The following GRM7 variants were observed in gnomAD, a reference collection of about 807,000 sequenced individuals.
GRM7 encodes the protein metabotropic glutamate receptor 7.
Under a neutral mutation model 84.5 loss-of-function variants are expected in GRM7, and 35 were observed. The ratio of observed to expected loss-of-function variants is 0.41; its 90% CI spans 0.32 to 0.55. The LOEUF (loss-of-function observed/expected upper bound fraction) is 0.55, where lower values mean the gene tolerates loss of function less well. Ranked by LOEUF, GRM7 falls within the 20% of genes least tolerant of loss-of-function variation. The pLI is 0.19. For missense variants in GRM7, 1,003 were observed against 1,194.6 expected, an observed-to-expected ratio of 0.84 and a Z score of 2.36; for synonymous variants, 487 against 455.1, an observed-to-expected ratio of 1.07 and a Z score of -0.89.
chr3:7,677,567 A>T (rs1350567096), intron 8 of GRM7, among the ~76,000 whole-genome samples: 1 of 152,208 alleles, frequency 6.6e-6, no homozygotes, highest in Non-Finnish European at 1.5e-5. Flanking sequence ...AAAAAATATG[A>T]TTAGTGAAGT....
chr3:7,608,877 G>T (rs1696717920), intron 8 of GRM7, among the ~76,000 whole-genome samples: 1 of 152,114 alleles, frequency 6.6e-6, no homozygotes, highest in Admixed American at 6.5e-5. Context: ...AATCTATCTT[G>T]AGTTGATTTT....
chr3:7,317,298 T>TAAGG (rs34751490), intron 4 of GRM7, among the ~76,000 whole-genome samples: 38,024 of 151,790 alleles, frequency 0.25, 7,185 homozygotes, highest in African/African-American at 0.53. Flanking sequence ...CCACAGACCT[T>TAAGG]AAGGAGAACT....
At chr3:7,037,770 C>T (rs918514330) in intron 1 of GRM7, among the ~76,000 whole-genome samples, 1 of 151,952 alleles carries the variant, frequency 6.6e-6, no homozygotes, top group Admixed American at 6.6e-5. Context: ...GTTACTGCAG[C>T]AACAGTCACA....
intron 2 of GRM7, among the ~76,000 whole-genome samples, chr3:7,210,927 A>G (rs1345775975): frequency 1.3e-5 from 2 of 152,174 alleles, no homozygotes. Context: ...CAATATTAGA[A>G]ATGAAAATCA....
In GRM7 at chr3:7,415,012, A is replaced by C; in HGVS notation, c.1034-11A>C. 1 of 1,605,836 alleles carries C rather than the reference A, an allele frequency of 6.2e-7. No homozygotes were observed. Among genetic ancestry groups the C allele is most frequent in the South Asian group, 1.1e-5 (1 of 90,068 alleles). ...CCGCAAGCAATGACCTTTTCATTTAACTCTGTTTAGGGTTTGATGCCTACT... is the reference window on the plus strand; with the variant it reads ...CCGCAAGCAATGACCTTTTCATTTACCTCTGTTTAGGGTTTGATGCCTACT... On this transcript the variant is annotated splice_polypyrimidine_tract_variant and intron_variant, in intron 4 of 9. Transcript: ENST00000357716.
At chr3:7,240,462 G>A (rs1193379765) in intron 2 of GRM7, among the ~76,000 whole-genome samples, 1 of 151,422 alleles carries the variant, frequency 6.6e-6, no homozygotes. Context: ...TTTTATTTTT[G>A]CAATATGTTT....
intron 7 of GRM7, among the ~76,000 whole-genome samples, chr3:7,571,586 G>T (rs1694661359): frequency 6.6e-6 from 1 of 152,106 alleles, no homozygotes; most frequent in Non-Finnish European, 1.5e-5. Context: ...TCAGCATTTT[G>T]ATCAAAGCCA....
At chr3:7,449,822 A>T (rs1697692768) in intron 5 of GRM7, among the ~76,000 whole-genome samples, 1 of 152,180 alleles carries the variant, frequency 6.6e-6, no homozygotes, top group Admixed American at 6.6e-5. Flanking sequence ...CAAGTGAGTC[A>T]AATATTTAAC....
At chr3:7,683,666 T>C (rs1220830818) in intron 9 of GRM7, among the ~76,000 whole-genome samples, 1 of 152,278 alleles carries the variant, frequency 6.6e-6, no homozygotes, top group Admixed American at 6.5e-5. Flanking sequence ...TGCTGTCTAA[T>C]AGAGTAAGCA....
intron 4 of GRM7, among the ~76,000 whole-genome samples, chr3:7,315,083 G>T (rs1700536699): frequency 6.6e-6 from 1 of 151,680 alleles, no homozygotes; most frequent in Admixed American, 6.6e-5. Context: ...TAAATGTCAG[G>T]ACTATTAGAA....
Position 7,669,910 on chromosome 3 carries a change from T to C in GRM7, c.2452-10139T>C, listed in dbSNP as rs1007506270. ...ACTGAATGACTACTTGTTTACACTT[T>C]TGTCAACAGTGCAACAGTGTCATTT... On this transcript the variant is annotated intron_variant, in intron 8 of 9. Transcript: ENST00000357716. Among the ~76,000 whole-genome samples the C allele has an allele frequency of 2.0e-5, 3 of 151,894 alleles. 1 individual carries two copies. Among genetic ancestry groups the C allele is most frequent in the African/African-American group, 7.3e-5 (3 of 41,134 alleles).
intron 1 of GRM7, among the ~76,000 whole-genome samples, chr3:6,941,771 T>C (rs938096010): frequency 1.3e-5 from 2 of 152,218 alleles, no homozygotes; most frequent in African/African-American, 4.8e-5. Flanking sequence ...TAAGTATCAA[T>C]TCATATATTC....
chr3:6,951,475 G>A (rs78269105), intron 1 of GRM7, among the ~76,000 whole-genome samples: 2 of 151,924 alleles, frequency 1.3e-5, no homozygotes, highest in Admixed American at 6.5e-5. Context: ...AAATACTGAC[G>A]TGTTGTGTTT....
chr3:7,425,022 T>C (rs1696546793), intron 5 of GRM7, among the ~76,000 whole-genome samples: 1 of 152,168 alleles, frequency 6.6e-6, no homozygotes, highest in Admixed American at 6.6e-5. Flanking sequence ...CCTATGCTGT[T>C]TCTCCTCTCA....
chr3:6,976,704 T>A (rs548563928), intron 1 of GRM7, among the ~76,000 whole-genome samples: 5 of 152,282 alleles, frequency 3.3e-5, no homozygotes, highest in African/African-American at 1.2e-4. Context: ...GGTCCTAATT[T>A]GATTATTTGA....
Position 7,358,620 on chromosome 3 carries a change from T to G in GRM7, c.1033+51968T>G, listed in dbSNP as rs975731882. 3.3e-4 allele frequency among the ~76,000 whole-genome samples: 49 copies of G among 148,746 alleles called. 7 individuals are homozygous for G. The highest frequency in any genetic ancestry group is 1.2e-3 in the African/African-American group (49 of 39,408). ...GTGAACCAATTTAACTTTAATCCAG[T>G]GCTTCCAAACTTTATGTTACTGGGA... On this transcript the variant is annotated intron_variant, in intron 4 of 9. Coordinates refer to ENST00000357716, the MANE Select transcript of GRM7 (RefSeq NM_000844.4).
At chr3:7,075,074 G>A (rs1015571393) in intron 1 of GRM7, among the ~76,000 whole-genome samples, 13 of 152,202 alleles carry the variant, frequency 8.5e-5, no homozygotes, top group African/African-American at 3.1e-4. Context: ...CTAGAATAAA[G>A]AGGCAAGTTA....
At chr3:7,509,040 A>T (rs1347106839) in intron 7 of GRM7, among the ~76,000 whole-genome samples, 2 of 152,170 alleles carry the variant, frequency 1.3e-5, no homozygotes, top group Non-Finnish European at 2.9e-5. Context: ...TCTGAATATT[A>T]TGGCAAAATC....
intron 8 of GRM7, among the ~76,000 whole-genome samples, chr3:7,637,784 G>A (rs1480182919): frequency 6.6e-6 from 1 of 152,216 alleles, no homozygotes; most frequent in African/African-American, 2.4e-5. Context: ...AACAGCTAGT[G>A]CAATATTAGC....
Sources: gnomAD v4.1 joint callset for allele counts (sites outside exome capture counted in the v4.1 genomes callset) on GRCh38, gnomAD v4.1.1 for gene constraint, MANE v1.5 for transcripts, NCBI Gene and HGNC (gene_info 2026-07-23, HGNC 2026-07-21) for gene names.